The following MALRD1 variants were observed in gnomAD, a reference collection of about 807,000 sequenced individuals.
MALRD1 encodes MAM and LDL-receptor class A domain-containing protein 1.
Under a neutral mutation model 242.1 loss-of-function variants are expected in MALRD1, and 247 were observed. That is an observed-to-expected ratio of 1.02 (90% CI 0.92 to 1.13). The LOEUF (loss-of-function observed/expected upper bound fraction) is 1.13. Among genes scored for constraint, MALRD1 ranks in the 50% most tolerant of loss-of-function variants. MALRD1 has a pLI of 0.00. For missense variants in MALRD1, 2,989 were observed against 2,533.1 expected, an observed-to-expected ratio of 1.18 and a Z score of -3.86; for synonymous variants, 995 against 866.6, an observed-to-expected ratio of 1.15 and a Z score of -2.60.
intron 21 of MALRD1, among the ~76,000 whole-genome samples, chr10:19,303,717 A>G (rs1438657327): frequency 6.6e-6 from 1 of 151,772 alleles, no homozygotes; most frequent in Non-Finnish European, 1.5e-5. Flanking sequence ...TGTAATCAAT[A>G]TAAAGTTGAG....
At chr10:19,306,043 A>T (rs1842164064) in intron 21 of MALRD1, among the ~76,000 whole-genome samples, 1 of 122,956 alleles carries the variant, frequency 8.1e-6, no homozygotes. Context: ...TATATTATAT[A>T]GTATACAATT....
At position 19,121,905 on chromosome 10, in the gene MALRD1, T is replaced by C. The variant is rs985788451; in HGVS notation, c.695-1587T>C. Among the ~76,000 whole-genome samples the C allele has an allele frequency of 5.9e-5, 9 of 152,090 alleles. No homozygotes were observed. In the East Asian group the frequency reaches 9.6e-4, roughly 16 times the overall value. The stretch of plus-strand genomic sequence containing the variant: ...AGAGGGAATAGAAAGCTTTGAATAG[T>C]TGTCTAGGAAAGCGGAAAAGGAAAG... On this transcript the variant is annotated intron_variant, in intron 5 of 39. Transcript: ENST00000454679.
Position 19,525,397 on chromosome 10 carries a change from CAT to C in MALRD1, c.5321-5795_5321-5794del, listed in dbSNP as rs1834061529. 2.0e-5 allele frequency among the ~76,000 whole-genome samples: 3 copies of C among 152,068 alleles called. No individual in the cohort carries two copies. The South Asian group carries it at 6.2e-4, about 31-fold the overall frequency. ...TCAATGTGAAAAAATGTCCATGAAGCATAGTGATTGATTCTGAATTTGTCTAG... is the reference window on the plus strand; with the variant it reads ...TCAATGTGAAAAAATGTCCATGAAGCAGTGATTGATTCTGAATTTGTCTAG... On this transcript the variant is annotated intron_variant, in intron 31 of 39. Transcript: ENST00000454679.
At chr10:19,730,459 C>A in intron 38 of MALRD1, 1 of 522,162 alleles carries the variant, frequency 1.9e-6, no homozygotes, top group Non-Finnish European at 3.4e-6. Flanking sequence ...CTTTTATTTG[C>A]CTGAGTTTAT....
chr10:19,580,349 G>A (rs7095285), intron 33 of MALRD1, among the ~76,000 whole-genome samples: 83,741 of 151,790 alleles, frequency 0.55, 23,426 homozygotes, highest in African/African-American at 0.66. Context: ...CTCTTAAGAC[G>A]TTCTGTTTCT....
At chr10:19,117,506 G>GA (rs1836914233) in intron 5 of MALRD1, among the ~76,000 whole-genome samples, 1 of 151,310 alleles carries the variant, frequency 6.6e-6, no homozygotes, top group South Asian at 2.1e-4. Context: ...ACATTTAACT[G>GA]AACTATGACC....
chr10:19,456,066 A>G (rs992662184), intron 29 of MALRD1, among the ~76,000 whole-genome samples: 1 of 152,192 alleles, frequency 6.6e-6, no homozygotes, highest in East Asian at 1.9e-4. Flanking sequence ...AGAAAATTCA[A>G]TTGAATGATG....
At chr10:19,633,817 GTTTCTTTCTTTTTCT>G (rs1219523853) in intron 36 of MALRD1, 1 of 149,834 alleles carries the variant, frequency 6.7e-6, no homozygotes, top group Non-Finnish European at 1.5e-5. Context: ...ATAAGCCACA[GTTTCTTTCTTTTTCT>G]TTTCTTTCTT....
At position 19,178,431 on chromosome 10, in the gene MALRD1, A is replaced by G. The variant is rs181569060; in HGVS notation, c.1951+3103A>G. On this transcript the variant is annotated intron_variant, in intron 14 of 39. Transcript: ENST00000454679. ...CATGCTCCATTGACAGTAAATTGTT[A>G]TATGTATGGAGCAGAATGGCCAAAG... Among the ~76,000 whole-genome samples the G allele has an allele frequency of 1.9e-4, 29 of 152,322 alleles. No individual in the cohort carries two copies. The East Asian group carries it at 4.2e-3, about 22-fold the overall frequency.
chr10:19,486,598 A>C (rs936542952), intron 29 of MALRD1, among the ~76,000 whole-genome samples: 1 of 152,224 alleles, frequency 6.6e-6, no homozygotes, highest in African/African-American at 2.4e-5. Context: ...CGCCCGTTTT[A>C]ATATTCTTCA....
intron 19 of MALRD1, among the ~76,000 whole-genome samples, chr10:19,267,355 A>G (rs1273789719): frequency 6.6e-6 from 1 of 152,062 alleles, no homozygotes; most frequent in Admixed American, 6.6e-5. Context: ...CTTCAAATTG[A>G]TAAAATATGA....
At chr10:19,261,788 G>T (rs1839761993) in intron 19 of MALRD1, among the ~76,000 whole-genome samples, 1 of 151,654 alleles carries the variant, frequency 6.6e-6, no homozygotes, top group Non-Finnish European at 1.5e-5. Flanking sequence ...TTCCCCTCGT[G>T]CCTGCCTTGT....
intron 11 of MALRD1, 83 bp from the exon 12 acceptor site, chr10:19,154,992 T>C (rs896787060): frequency 1.1e-5 from 8 of 704,262 alleles, no homozygotes; most frequent in Non-Finnish European, 1.6e-5. Flanking sequence ...GTTTAGCATG[T>C]GCAAGGATAA....
At chr10:19,138,257 T>C (rs185306792) in intron 10 of MALRD1, among the ~76,000 whole-genome samples, 6 of 152,252 alleles carry the variant, frequency 3.9e-5, no homozygotes, top group Admixed American at 3.9e-4. Context: ...GTAAGAGCAA[T>C]TTATTTACTC....
intron 19 of MALRD1, 23 bp from the exon 20 acceptor site, chr10:19,280,024 C>A: frequency 6.9e-7 from 1 of 1,450,982 alleles, no homozygotes. Context: ...CTAAATGATG[C>A]CTGTATATTA....
rs1165168400 is a variant in MALRD1 at position 19,090,535 on chromosome 10, C to A, written c.597+2350C>A. Among the ~76,000 whole-genome samples, 49 of 35,794 alleles carry A rather than the reference C, an allele frequency of 1.4e-3. 1 individual carries two copies. The highest frequency in any genetic ancestry group is 7.8e-3 in the African/African-American group (49 of 6,268). The allele number at this position is 35,794 out of a possible 152,430, so 23.5% of individuals were successfully genotyped here. A position where few individuals can be genotyped will look rare whatever the true frequency, so the allele number is the denominator to read the frequency against. ...GATAAACAATCATGTCGTCTGCAAA[C>A]AGGGACAATTTGACTTCCTCTTTTC... is the stretch of plus-strand genomic sequence containing the variant. On this transcript the variant is annotated intron_variant, in intron 4 of 39. Transcript: ENST00000454679.
chr10:19,594,564 C>T (rs1231095107), intron 33 of MALRD1, among the ~76,000 whole-genome samples: 1 of 152,020 alleles, frequency 6.6e-6, no homozygotes, highest in Non-Finnish European at 1.5e-5. Context: ...TTCACAGTTG[C>T]AAAGATATGG....
intron 26 of MALRD1, among the ~76,000 whole-genome samples, chr10:19,376,105 G>C (rs372172805): frequency 6.6e-6 from 1 of 152,224 alleles, no homozygotes; most frequent in Admixed American, 6.5e-5. Context: ...CTGGGTGACA[G>C]AGCGAGACTT....
At chr10:19,359,480 TG>T (rs778185384) in intron 26 of MALRD1, among the ~76,000 whole-genome samples, 6 of 152,050 alleles carry the variant, frequency 3.9e-5, no homozygotes, top group Admixed American at 6.6e-5. Context: ...CTGTTCATCA[TG>T]GGTGTTGCTG....
Sources: gnomAD v4.1 joint callset for allele counts (sites outside exome capture counted in the v4.1 genomes callset) on GRCh38, gnomAD v4.1.1 for gene constraint, MANE v1.5 for transcripts, NCBI Gene and HGNC (gene_info 2026-07-23, HGNC 2026-07-21) for gene names.